Variants in STAT5B observed in about 807,000 individuals in gnomAD.
The protein encoded by STAT5B is transcription factor STAT5B.
STAT5B carries 21 observed loss-of-function variants against 107.8 expected under a neutral mutation model. The observed-to-expected ratio is 0.19, with a 90% CI of 0.14 to 0.28. STAT5B has a LOEUF of 0.28. STAT5B is among the 10% of genes least tolerant of loss of function. The pLI is 1.00. For missense variants in STAT5B, 565 were observed against 1,008.2 expected, an observed-to-expected ratio of 0.56 and a Z score of 5.95; for synonymous variants, 325 against 401.7, an observed-to-expected ratio of 0.81 and a Z score of 2.28.
chr17:42,272,715 ATTTTGAAAAT>A (rs2080731312), intron 1 of STAT5B: 1 of 152,186 alleles, frequency 6.6e-6, no homozygotes, highest in Non-Finnish European at 1.5e-5. Context: ...TGTGGACCTA[ATTTTGAAAAT>A]ACAAACAGGA....
chr17:42,211,128 G>C (rs2080125086), intron 13 of STAT5B, among the ~76,000 whole-genome samples: 2 of 152,076 alleles, frequency 1.3e-5, no homozygotes, highest in Non-Finnish European at 1.5e-5. Context: ...TTGAATCTGG[G>C]AGACGGAGGT....
chr17:42,208,955 G>A (rs773799751), intron 15 of STAT5B, among the ~76,000 whole-genome samples: 8 of 151,836 alleles, frequency 5.3e-5, no homozygotes, highest in African/African-American at 1.7e-4. Context: ...GGATGGTCTC[G>A]ATCTCCTGAC....
chr17:42,286,905 G>A, the STAT5B span, among the ~76,000 whole-genome samples: 1 of 152,094 alleles, frequency 6.6e-6, no homozygotes, highest in African/African-American at 2.4e-5. Flanking sequence ...CATCTTTATG[G>A]TCACTTCCAG....
intron 2 of STAT5B, among the ~76,000 whole-genome samples, chr17:42,228,842 G>A (rs1238454464): frequency 2.6e-5 from 4 of 152,176 alleles, no homozygotes; most frequent in Non-Finnish European, 5.9e-5. Context: ...GCTGAGGCAG[G>A]AGAACTGCTT....
Position 42,212,047 on chromosome 17 carries a change from G to A in STAT5B, c.1617C>T (p.Asn539=). 1 of 1,614,066 alleles carries A rather than the reference G, an allele frequency of 6.2e-7. No homozygotes were observed. The highest frequency in any genetic ancestry group is 1.1e-5 in the South Asian group (1 of 91,076). The change falls in exon 13 of 19, where the codon AAC becomes AAT. Residue 539 remains asparagine (N), a synonymous_variant. Coordinates refer to ENST00000293328, the MANE Select transcript of STAT5B (RefSeq NM_012448.4). ...AGTCCTCCAGGTGGCTGCTGCTGTT[G>A]TTGAACAGTTTCTGCGCCAGGAACA... The part of the protein sequence containing the change: ...NLVFLAQKLF[N]NSSSHLEDYS...
chr17:42,267,945 C>G (rs1037093644), intron 1 of STAT5B, among the ~76,000 whole-genome samples: 32 of 119,590 alleles, frequency 2.7e-4, no homozygotes, highest in African/African-American at 9.7e-4. Context: ...GCCACAAGAG[C>G]AAGACTCCAT....
At chr17:42,237,232 C>A (rs2080364202) in intron 1 of STAT5B, among the ~76,000 whole-genome samples, 1 of 152,080 alleles carries the variant, frequency 6.6e-6, no homozygotes, top group African/African-American at 2.4e-5. Flanking sequence ...ATCAGTCGGG[C>A]CCTCAGGCAC....
At chr17:42,217,504 G>C (rs748476549) in intron 9 of STAT5B, 40 bp from the exon 10 acceptor site, 1 of 1,609,662 alleles carries the variant, frequency 6.2e-7, no homozygotes, top group Non-Finnish European at 8.5e-7. Flanking sequence ...CCCATGCCAG[G>C]GTCTCAGGAC....
intron 1 of STAT5B, among the ~76,000 whole-genome samples, chr17:42,269,109 C>G (rs930187284): frequency 7.2e-5 from 11 of 152,102 alleles, no homozygotes; most frequent in African/African-American, 2.7e-4. Context: ...AGTCTCGCTC[C>G]GTCTCCCAGG....
At chr17:42,222,962 G>A (rs1380848116) in intron 5 of STAT5B, among the ~76,000 whole-genome samples, 2 of 152,148 alleles carry the variant, frequency 1.3e-5, no homozygotes, top group African/African-American at 4.8e-5. Context: ...GGGATTACAG[G>A]TGTGAGCCAC....
chr17:42,277,077 C>G (rs1293561199), upstream of STAT5B, among the ~76,000 whole-genome samples: 1 of 152,204 alleles, frequency 6.6e-6, no homozygotes, highest in East Asian at 1.9e-4. Context: ...GGAGGGACTG[C>G]TCTCTCTAGA....
chr17:42,245,614 C>T (rs1273232727), intron 1 of STAT5B, among the ~76,000 whole-genome samples: 1 of 152,026 alleles, frequency 6.6e-6, no homozygotes, highest in Admixed American at 6.6e-5. Flanking sequence ...CCTCCGCCCC[C>T]CAGGTTCAAG....
intron 16 of STAT5B, among the ~76,000 whole-genome samples, chr17:42,204,291 G>C (rs950751360): frequency 4.6e-5 from 7 of 152,176 alleles, no homozygotes; most frequent in Non-Finnish European, 1.0e-4. Flanking sequence ...GGAAATCCAG[G>C]TAAGCAGGTG....
intron 1 of STAT5B, among the ~76,000 whole-genome samples, chr17:42,275,987 C>T (rs911405132): frequency 3.3e-5 from 5 of 151,882 alleles, no homozygotes; most frequent in Middle Eastern, 3.4e-3. Flanking sequence ...GCCTTTAAAG[C>T]GCACGCCCCC....
rs1238782382 is a variant in STAT5B at position 42,202,812 on chromosome 17, C to G, written c.2078-4G>C. The G allele has an allele frequency of 6.2e-7, 1 of 1,614,216 alleles. No homozygotes were observed. Reference sequence around the variant, plus strand: ...ACGTATCCATCAACAGCTTTAGCTGCCAAGGGAAGAATGTAGTAAATCAAA... The same window carrying G: ...ACGTATCCATCAACAGCTTTAGCTGGCAAGGGAAGAATGTAGTAAATCAAA... On this transcript the variant is annotated splice_region_variant and splice_polypyrimidine_tract_variant and intron_variant, in intron 16 of 18. Transcript: ENST00000293328.
chr17:42,243,001 G>T (rs896889435), intron 1 of STAT5B, among the ~76,000 whole-genome samples: 1 of 127,194 alleles, frequency 7.9e-6, no homozygotes, highest in African/African-American at 3.6e-5. Flanking sequence ...AGGCCACAGG[G>T]TCCCTCTGCC....
chr17:42,206,552 G>C (rs1014984035), intron 16 of STAT5B, among the ~76,000 whole-genome samples: 2 of 152,182 alleles, frequency 1.3e-5, no homozygotes, highest in South Asian at 2.1e-4. Context: ...GAGAGATGTT[G>C]TGTGGTATCT....
chr17:42,262,772 A>ATG (rs1369973042), intron 1 of STAT5B, among the ~76,000 whole-genome samples: 2 of 135,148 alleles, frequency 1.5e-5, no homozygotes, highest in Non-Finnish European at 3.2e-5. Flanking sequence ...ATATATACAT[A>ATG]TATGTATATA....
At chr17:42,218,902 C>T in intron 7 of STAT5B, 24 bp from the exon 8 acceptor site, 1 of 1,613,848 alleles carries the variant, frequency 6.2e-7, no homozygotes, top group Non-Finnish European at 8.5e-7. Context: ...CCAAGGCCAA[C>T]AGGAGGACAA....
Sources: gnomAD v4.1 joint callset for allele counts (sites outside exome capture counted in the v4.1 genomes callset) on GRCh38, gnomAD v4.1.1 for gene constraint, MANE v1.5 for transcripts, NCBI Gene and HGNC (gene_info 2026-07-23, HGNC 2026-07-21) for gene names.